The following AOAH variants were observed in gnomAD, a reference collection of about 807,000 sequenced individuals.
The protein encoded by AOAH is acyloxyacyl hydrolase (neutrophil).
Under a neutral mutation model 92.2 loss-of-function variants are expected in AOAH, and 64 were observed. That is an observed-to-expected ratio of 0.69 (90% CI 0.57 to 0.86). The LOEUF (loss-of-function observed/expected upper bound fraction) is 0.86, where lower values mean the gene tolerates loss of function less well. Among genes scored for constraint, AOAH ranks in the 40% least tolerant of loss-of-function variants. AOAH has a pLI of 0.00. For missense variants in AOAH, 656 were observed against 694.6 expected, an observed-to-expected ratio of 0.94 and a Z score of 0.62; for synonymous variants, 263 against 254.5, an observed-to-expected ratio of 1.03 and a Z score of -0.32.
At position 36,658,957 on chromosome 7, in the gene AOAH, T is replaced by G. The variant is rs375568635; in HGVS notation, c.390+209A>C. On this transcript the variant is annotated intron_variant, in intron 4 of 20. Transcript: ENST00000617537. ...GCTCAAAATTACAGTCCACAATGGC[T>G]GAACAGCAAAGACATTCTTTCTAGC... is the stretch of plus-strand genomic sequence containing the variant. Among the ~76,000 whole-genome samples, 30 of 152,324 alleles carry G rather than the reference T, an allele frequency of 2.0e-4. 1 individual carries two copies. The highest frequency in any genetic ancestry group is 9.2e-4 in the Admixed American group (14 of 15,294).
At chr7:36,560,264 G>C (rs1241158012) in intron 13 of AOAH, among the ~76,000 whole-genome samples, 1 of 152,030 alleles carries the variant, frequency 6.6e-6, no homozygotes, top group Non-Finnish European at 1.5e-5. Context: ...TTATAATTCT[G>C]TGAAAAATGA....
intron 11 of AOAH, among the ~76,000 whole-genome samples, chr7:36,595,629 C>A (rs1583899889): frequency 6.6e-6 from 1 of 152,222 alleles, no homozygotes; most frequent in Non-Finnish European, 1.5e-5. Flanking sequence ...TAGTATGTCT[C>A]ATGCATGCAA....
intron 1 of AOAH, among the ~76,000 whole-genome samples, chr7:36,709,068 T>C (rs1032347164): frequency 6.6e-6 from 1 of 152,192 alleles, no homozygotes; most frequent in African/African-American, 2.4e-5. Flanking sequence ...TAGGGATATG[T>C]AGAGAGCTTA....
At chr7:36,632,196 T>C in intron 5 of AOAH, 90 bp from the exon 6 acceptor site, 1 of 1,049,942 alleles carries the variant, frequency 9.5e-7, no homozygotes, top group African/African-American at 1.6e-5. Flanking sequence ...TTGAGGTTTC[T>C]GGATCCTCCT....
chr7:36,570,941 T>C (rs542561967), intron 13 of AOAH, among the ~76,000 whole-genome samples: 1 of 152,314 alleles, frequency 6.6e-6, no homozygotes, highest in Admixed American at 6.5e-5. Flanking sequence ...ATCGGCCCCA[T>C]GTGGCTTCTG....
chr7:36,563,058 A>G (rs2116494328), intron 13 of AOAH, among the ~76,000 whole-genome samples: 2 of 147,260 alleles, frequency 1.4e-5, no homozygotes, highest in South Asian at 4.5e-4. Flanking sequence ...GAGGCAGGAG[A>G]ATCACTTGAA....
chr7:36,579,659 G>A (rs749258731), intron 12 of AOAH, among the ~76,000 whole-genome samples: 20 of 152,252 alleles, frequency 1.3e-4, no homozygotes, highest in Non-Finnish European at 2.2e-4. Context: ...AGGGCAGGAA[G>A]CATCCAGCAT....
intron 15 of AOAH, among the ~76,000 whole-genome samples, chr7:36,545,278 G>A (rs2116262967): frequency 6.6e-6 from 1 of 152,264 alleles, no homozygotes; most frequent in Non-Finnish European, 1.5e-5. Flanking sequence ...CCTTAAAAGT[G>A]GGTGTGGCCT....
At chr7:36,557,255 G>T (rs1272211325) in intron 13 of AOAH, among the ~76,000 whole-genome samples, 2 of 152,080 alleles carry the variant, frequency 1.3e-5, no homozygotes, top group Middle Eastern at 6.3e-3. Context: ...GCTTAGTTTG[G>T]CTGGATATGA....
chr7:36,638,671 G>T (rs988086053), intron 4 of AOAH, among the ~76,000 whole-genome samples: 1 of 152,132 alleles, frequency 6.6e-6, no homozygotes, highest in African/African-American at 2.4e-5. Context: ...CCAACTGAAT[G>T]TGCATGTCCT....
chr7:36,539,693 GT>G (rs1024983783), intron 16 of AOAH, among the ~76,000 whole-genome samples: 11 of 152,090 alleles, frequency 7.2e-5, no homozygotes, highest in African/African-American at 2.7e-4. Context: ...CTGAGCCTTG[GT>G]TTTTTTCATC....
chr7:36,665,227 G>A (rs1446294131), intron 3 of AOAH, among the ~76,000 whole-genome samples: 1 of 152,058 alleles, frequency 6.6e-6, no homozygotes, highest in East Asian at 1.9e-4. Context: ...ATAAAGTGTT[G>A]TAGTTTTCCT....
At chr7:36,692,055 C>A (rs1176500690) in intron 1 of AOAH, among the ~76,000 whole-genome samples, 3 of 152,204 alleles carry the variant, frequency 2.0e-5, no homozygotes, top group Admixed American at 6.5e-5. Context: ...AATTATCCAA[C>A]TGTGCCCAGC....
chr7:36,581,346 C>T (rs983526899), intron 12 of AOAH, among the ~76,000 whole-genome samples: 7 of 152,174 alleles, frequency 4.6e-5, no homozygotes, highest in Non-Finnish European at 7.3e-5. Flanking sequence ...TTCTCTTCGT[C>T]CTCTTGGACA....
chr7:36,633,448 A>G (rs1793282523), intron 5 of AOAH, among the ~76,000 whole-genome samples: 1 of 152,330 alleles, frequency 6.6e-6, no homozygotes, highest in African/African-American at 2.4e-5. Context: ...CAAAATCAGA[A>G]TCTGCATTTT....
intron 1 of AOAH, chr7:36,690,079 C>G (rs1797293415): frequency 2.5e-6 from 1 of 402,012 alleles, no homozygotes; most frequent in Admixed American, 3.1e-5. Context: ...TGAAACCAGC[C>G]TGCTTCTTTG....
chr7:36,612,513 T>A (rs995407576), intron 11 of AOAH, among the ~76,000 whole-genome samples: 5 of 152,250 alleles, frequency 3.3e-5, no homozygotes, highest in Admixed American at 6.5e-5. Flanking sequence ...TGAATATTCC[T>A]GTACATATAT....
intron 12 of AOAH, among the ~76,000 whole-genome samples, chr7:36,588,068 C>T (rs1284325432): frequency 6.6e-6 from 1 of 152,160 alleles, no homozygotes; most frequent in Non-Finnish European, 1.5e-5. Flanking sequence ...CACATTTCAT[C>T]AGATTAAATT....
intron 2 of AOAH, among the ~76,000 whole-genome samples, chr7:36,677,930 G>GT (rs1796354951): frequency 6.6e-6 from 1 of 152,198 alleles, no homozygotes; most frequent in African/African-American, 2.4e-5. Flanking sequence ...TAGATTAGTG[G>GT]TTTCTTAGGG....
Sources: gnomAD v4.1 joint callset for allele counts (sites outside exome capture counted in the v4.1 genomes callset) on GRCh38, gnomAD v4.1.1 for gene constraint, MANE v1.5 for transcripts, NCBI Gene and HGNC (gene_info 2026-07-23, HGNC 2026-07-21) for gene names.